Variants in PTPRD observed in about 807,000 individuals in gnomAD.
PTPRD encodes receptor-type tyrosine-protein phosphatase delta.
In PTPRD, 34 loss-of-function variants were observed where a neutral mutation model predicts 214.5. That is an observed-to-expected ratio of 0.16 (90% CI 0.12 to 0.21). The LOEUF is 0.21. Among genes scored for constraint, PTPRD ranks in the 10% least tolerant of loss-of-function variants. The pLI, the probability that PTPRD is intolerant of heterozygous loss-of-function variation, is 1.00. For missense variants in PTPRD, 2,545 were observed against 2,398.7 expected (o/e 1.06, Z -1.27); for synonymous variants, 1,128 against 845.7 (o/e 1.33, Z -5.79).
chr9:9,429,906 A>T (rs1175732627), intron 8 of PTPRD, among the ~76,000 whole-genome samples: 1 of 152,176 alleles, frequency 6.6e-6, no homozygotes, highest in African/African-American at 2.4e-5. Context: ...GTATCTCAAA[A>T]TAATAATAGC....
At chr9:9,990,060 C>T (rs1031472209) in intron 4 of PTPRD, among the ~76,000 whole-genome samples, 5 of 152,286 alleles carry the variant, frequency 3.3e-5, no homozygotes, top group Non-Finnish European at 4.4e-5. Context: ...TCCTTGTCCT[C>T]GGACTTTCCT....
At chr9:10,411,971 T>C (rs1210063579) in intron 2 of PTPRD, among the ~76,000 whole-genome samples, 1 of 151,844 alleles carries the variant, frequency 6.6e-6, no homozygotes, top group Non-Finnish European at 1.5e-5. Context: ...ATAACAAATA[T>C]ACTGTACTTC....
intron 2 of PTPRD, among the ~76,000 whole-genome samples, chr9:10,548,921 T>C (rs1445004437): frequency 2.0e-5 from 3 of 152,168 alleles, no homozygotes; most frequent in Non-Finnish European, 2.9e-5. Flanking sequence ...AGCAACCAAC[T>C]GTGAACACAT....
At chr9:9,192,248 A>G (rs1270942160) in intron 9 of PTPRD, among the ~76,000 whole-genome samples, 2 of 152,110 alleles carry the variant, frequency 1.3e-5, no homozygotes, top group Non-Finnish European at 2.9e-5. Context: ...TAAGAAAAAA[A>G]TTATAAAGTG....
At chr9:9,054,733 T>G (rs2154396890) in intron 10 of PTPRD, among the ~76,000 whole-genome samples, 1 of 152,316 alleles carries the variant, frequency 6.6e-6, no homozygotes, top group East Asian at 1.9e-4. Flanking sequence ...TGTTTGCCAT[T>G]GTTGTGTGAT....
intron 39 of PTPRD, among the ~76,000 whole-genome samples, chr9:8,344,111 CT>C (rs1450254284): frequency 6.6e-6 from 1 of 152,074 alleles, no homozygotes. Context: ...TTCTTTCAAA[CT>C]CCATGTTTGG....
intron 7 of PTPRD, among the ~76,000 whole-genome samples, chr9:9,604,194 G>C (rs946031701): frequency 6.6e-6 from 1 of 151,980 alleles, no homozygotes; most frequent in African/African-American, 2.4e-5. Flanking sequence ...ATGCATCTGG[G>C]CAATTCAATA....
rs1178802140 is a variant in PTPRD at position 9,115,859 on chromosome 9, G to T, written c.-143+67445C>A. ...CAATAGTGGATTTGATATAGAAAAT[G>T]TATATACCCATCATGGAATACTACA... On this transcript the variant is annotated intron_variant, in intron 10 of 45. Transcript: ENST00000381196. Among the ~76,000 whole-genome samples the T allele has an allele frequency of 1.3e-5, 2 of 152,220 alleles. 1 individual carries two copies. Among genetic ancestry groups the T allele is most frequent in the Middle Eastern group, 6.8e-3 (2 of 294 alleles).
intron 9 of PTPRD, among the ~76,000 whole-genome samples, chr9:9,227,724 C>A (rs2099960434): frequency 6.6e-6 from 1 of 152,090 alleles, no homozygotes; most frequent in African/African-American, 2.4e-5. Flanking sequence ...TGGTAGGAAA[C>A]TCAGGCCTCC....
intron 14 of PTPRD, among the ~76,000 whole-genome samples, chr9:8,592,540 C>T (rs369969691): frequency 2.6e-5 from 4 of 152,210 alleles, no homozygotes; most frequent in African/African-American, 7.2e-5. Flanking sequence ...TGATTACAGT[C>T]GACACCAAAG....
intron 4 of PTPRD, among the ~76,000 whole-genome samples, chr9:9,953,007 A>G (rs990621497): frequency 1.3e-5 from 2 of 152,180 alleles, no homozygotes; most frequent in African/African-American, 2.4e-5. Context: ...AAAAAATCCT[A>G]TGCAAGAATG....
At chr9:9,389,021 G>A (rs1470089749) in intron 9 of PTPRD, among the ~76,000 whole-genome samples, 1 of 152,134 alleles carries the variant, frequency 6.6e-6, no homozygotes, top group Non-Finnish European at 1.5e-5. Context: ...CTATGGGATT[G>A]TCTCTGACTT....
intron 9 of PTPRD, among the ~76,000 whole-genome samples, chr9:9,372,786 G>C (rs1240160072): frequency 6.6e-6 from 1 of 151,984 alleles, no homozygotes; most frequent in Admixed American, 6.6e-5. Flanking sequence ...CTTCCTTCAG[G>C]AGCTCTTTTT....
intron 9 of PTPRD, among the ~76,000 whole-genome samples, chr9:9,342,614 A>G (rs1416900733): frequency 2.0e-5 from 3 of 152,104 alleles, no homozygotes; most frequent in Non-Finnish European, 4.4e-5. Context: ...TGTGAAAACC[A>G]CTTCCTAGTA....
intron 7 of PTPRD, among the ~76,000 whole-genome samples, chr9:9,577,168 T>C (rs1241134486): frequency 5.3e-5 from 8 of 152,168 alleles, no homozygotes. Context: ...TAGGTAATTT[T>C]AGGCATACAA....
intron 12 of PTPRD, among the ~76,000 whole-genome samples, chr9:8,679,623 T>A (rs1233068841): frequency 6.6e-6 from 1 of 152,242 alleles, no homozygotes; most frequent in Non-Finnish European, 1.5e-5. Context: ...AAAACACATG[T>A]GGTTTAGAAT....
intron 4 of PTPRD, among the ~76,000 whole-genome samples, chr9:9,979,092 T>C (rs755211133): frequency 6.6e-6 from 1 of 152,054 alleles, no homozygotes; most frequent in Non-Finnish European, 1.5e-5. Flanking sequence ...AAACTAAAGC[T>C]GATTTATTGC....
rs1446905861 is a variant in PTPRD, at chr9:8,713,608, C to G, written c.64+20172G>C. ...CAACATGTACCGGGAATACCGGGAC[C>G]TGACCACCGCGGGCGCTGTCACCCA... On this transcript the variant is annotated intron_variant, in intron 12 of 45. Coordinates refer to ENST00000381196, the MANE Select transcript of PTPRD (RefSeq NM_002839.4). 2.0e-6 allele frequency: 3 copies of G among 1,531,000 alleles called. No individual in the cohort carries two copies. In the South Asian group the frequency reaches 3.4e-5, roughly 17 times the overall value. The allele number at this position is 1,531,000 out of a possible 1,614,324, so 94.8% of individuals were successfully genotyped here. A position where few individuals can be genotyped will look rare whatever the true frequency, so the allele number is the denominator to read the frequency against.
chr9:10,554,655 A>ATT (rs71332758), intron 2 of PTPRD, among the ~76,000 whole-genome samples: 5 of 151,340 alleles, frequency 3.3e-5, no homozygotes, highest in African/African-American at 4.9e-5. Flanking sequence ...TCTTTTTTTA[A>ATT]TTTTTTTTGT....
Sources: gnomAD v4.1 joint callset for allele counts (sites outside exome capture counted in the v4.1 genomes callset) on GRCh38, gnomAD v4.1.1 for gene constraint, MANE v1.5 for transcripts, NCBI Gene and HGNC (gene_info 2026-07-23, HGNC 2026-07-21) for gene names.